LRRN2: variants seen among roughly 807,000 people sequenced by gnomAD.
The protein encoded by LRRN2 is leucine-rich repeat neuronal protein 2.
In LRRN2, 10 loss-of-function variants were observed where a neutral mutation model predicts 35.7. The observed-to-expected ratio is 0.28, with a 90% CI of 0.17 to 0.47. The LOEUF (loss-of-function observed/expected upper bound fraction) is 0.47. Ranked by LOEUF, LRRN2 falls within the 20% of genes least tolerant of loss-of-function variation. The pLI, the probability that LRRN2 is intolerant of heterozygous loss-of-function variation, is 0.99. For missense variants in LRRN2, 731 were observed against 940.3 expected (o/e 0.78, Z 2.91); for synonymous variants, 391 against 409.6 (o/e 0.95, Z 0.55).
At chr1:204,675,128 A>G (rs1194847068) in intron 1 of LRRN2, among the ~76,000 whole-genome samples, 2 of 152,116 alleles carry the variant, frequency 1.3e-5, no homozygotes, top group Non-Finnish European at 2.9e-5. Flanking sequence ...TGTCTGGAGA[A>G]TTAGCAGGTT....
At chr1:204,646,197 G>A (rs557091044) in intron 1 of LRRN2, among the ~76,000 whole-genome samples, 2 of 152,268 alleles carry the variant, frequency 1.3e-5, no homozygotes, top group Non-Finnish European at 2.9e-5. Flanking sequence ...GAGAAGGGGC[G>A]TGGACCAGGC....
chr1:204,633,993 C>T (rs552186037), intron 1 of LRRN2, among the ~76,000 whole-genome samples: 138 of 152,318 alleles, frequency 9.1e-4, no homozygotes, highest in African/African-American at 3.3e-3. Flanking sequence ...GCTCCCAGAG[C>T]CCCCAAGCCT....
intron 1 of LRRN2, among the ~76,000 whole-genome samples, chr1:204,668,162 G>A (rs1349053443): frequency 1.3e-5 from 2 of 152,206 alleles, no homozygotes; most frequent in Non-Finnish European, 2.9e-5. Flanking sequence ...AACTGCACAT[G>A]ACATTCCAGA....
At chr1:204,660,560 C>G (rs536703144) in intron 1 of LRRN2, among the ~76,000 whole-genome samples, 1 of 133,696 alleles carries the variant, frequency 7.5e-6, no homozygotes, top group Admixed American at 7.5e-5. Context: ...CAGACACACA[C>G]ACACACACAC....
chr1:204,617,692 C>T lies in LRRN2; in HGVS notation c.*159G>A. The T allele has an allele frequency of 2.5e-6, 2 of 814,632 alleles. No individual in the cohort carries two copies. The highest frequency in any genetic ancestry group is 2.0e-6 in the Non-Finnish European group (1 of 501,320). 50.5% of individuals were successfully genotyped at this position (814,632 alleles called of 1,614,324 possible). On this transcript the variant is annotated 3_prime_UTR_variant, in exon 2 of 2. Coordinates refer to ENST00000367177, the MANE Select transcript of LRRN2 (RefSeq NM_201630.2). ...CAACTTTTTCGAGGCTGCAGAAGCA[C>T]CCCCAGGGCCACAAAGCCCCATCTG...
chr1:204,677,462 C>T (rs1372879886), intron 1 of LRRN2, among the ~76,000 whole-genome samples: 1 of 152,192 alleles, frequency 6.6e-6, no homozygotes, highest in Non-Finnish European at 1.5e-5. Flanking sequence ...ACACTCACCC[C>T]TCATGGGGGT....
At chr1:204,649,776 C>T (rs968333987) in intron 1 of LRRN2, among the ~76,000 whole-genome samples, 2 of 152,126 alleles carry the variant, frequency 1.3e-5, no homozygotes, top group Non-Finnish European at 2.9e-5. Context: ...CAGACATGGA[C>T]GTGAGCCCTC....
chr1:204,645,832 T>G (rs1216221526), intron 1 of LRRN2, among the ~76,000 whole-genome samples: 1 of 152,022 alleles, frequency 6.6e-6, no homozygotes. Context: ...TCAGATCTCA[T>G]GAGATTTATT....
At chr1:204,684,994 G>A (rs1442409061) in intron 1 of LRRN2, among the ~76,000 whole-genome samples, 1 of 152,186 alleles carries the variant, frequency 6.6e-6, no homozygotes, top group Non-Finnish European at 1.5e-5. Flanking sequence ...GGAGGTTCTG[G>A]CCTCTCCAGG....
intron 1 of LRRN2, among the ~76,000 whole-genome samples, chr1:204,670,014 T>TG (rs1232398205): frequency 6.6e-6 from 1 of 152,060 alleles, no homozygotes; most frequent in African/African-American, 2.4e-5. Context: ...TCGTTTTTTT[T>TG]TTTGTTTGTT....
At position 204,641,081 on chromosome 1, in the gene LRRN2, G is replaced by A. The variant is rs921205266; in HGVS notation, c.-226-20863C>T. 4.6e-5 allele frequency among the ~76,000 whole-genome samples: 7 copies of A among 150,926 alleles called. No individual in the cohort carries two copies. In the South Asian group the frequency reaches 1.5e-3, roughly 32 times the overall value. ...GAAGAGAGGGTTCTCATGCCTGGAT[G>A]CCTGATAACAAAAACTATCAAAAAG... On this transcript the variant is annotated intron_variant, in intron 1 of 1. Coordinates refer to ENST00000367177, the MANE Select transcript of LRRN2 (RefSeq NM_201630.2).
At position 204,644,079 on chromosome 1, in the gene LRRN2, G is replaced by A. The variant is rs369199075; in HGVS notation, c.-226-23861C>T. On this transcript the variant is annotated intron_variant, in intron 1 of 1. Coordinates refer to ENST00000367177, the MANE Select transcript of LRRN2 (RefSeq NM_201630.2). ...ATGGGTTCCCTTTCCCAGCAGGCAT[G>A]GGCAGGGACATGCATGCCTCTACCC... 3.0e-3 allele frequency among the ~76,000 whole-genome samples: 457 copies of A among 152,276 alleles called. 1 individual carries two copies. The highest frequency in any genetic ancestry group is 6.8e-3 in the Middle Eastern group (2 of 294).
chr1:204,648,630 A>AC (rs1192450303), intron 1 of LRRN2, among the ~76,000 whole-genome samples: 1 of 151,928 alleles, frequency 6.6e-6, no homozygotes, highest in East Asian at 1.9e-4. Flanking sequence ...TCGCCCCCCC[A>AC]CCCAACCTAC....
intron 1 of LRRN2, among the ~76,000 whole-genome samples, chr1:204,657,488 C>T (rs182314410): frequency 7.0e-4 from 107 of 152,112 alleles, no homozygotes; most frequent in Admixed American, 4.9e-3. Flanking sequence ...ACAAAGGCTA[C>T]GAATTGTATG....
At chr1:204,631,012 C>T (rs535965029) in intron 1 of LRRN2, among the ~76,000 whole-genome samples, 24 of 151,638 alleles carry the variant, frequency 1.6e-4, no homozygotes, top group African/African-American at 4.1e-4. Flanking sequence ...CTGTAGTCCC[C>T]GGACCAGTAG....
chr1:204,623,320 T>C (rs576054344), intron 1 of LRRN2, among the ~76,000 whole-genome samples: 2 of 152,320 alleles, frequency 1.3e-5, no homozygotes, highest in African/African-American at 4.8e-5. Flanking sequence ...AAAACTTCAT[T>C]GAAACCCTCC....
intron 1 of LRRN2, among the ~76,000 whole-genome samples, chr1:204,675,040 G>A (rs1001549521): frequency 1.3e-5 from 2 of 152,212 alleles, no homozygotes; most frequent in South Asian, 2.1e-4. Context: ...GGAGTGGACC[G>A]TGGGTTGCAG....
At chr1:204,661,542 C>G (rs1341600170) in intron 1 of LRRN2, among the ~76,000 whole-genome samples, 1 of 152,206 alleles carries the variant, frequency 6.6e-6, no homozygotes, top group East Asian at 1.9e-4. Context: ...TCTAGTTGAT[C>G]TGAAGTGCTG....
Position 204,618,302 on chromosome 1 carries a change from A to C in LRRN2, c.1691T>G (p.Leu564Arg). ...TNLTWSSASS[L>R]RGQGATALAR... ...CAGAGCTGTGGCCCCCTGGCCCCGG[A>C]GGGAGGAGGCACTGGACCAGGTGAG... The change falls in exon 2 of 2, where the codon CTC (leucine) becomes CGC (arginine). Residue 564 changes from leucine to arginine, a missense_variant. Physicochemically the swap from Leu to Arg is moderately radical, Grantham distance 102 (BLOSUM62 -2). Transcript: ENST00000367177. 6.3e-7 allele frequency: 1 copy of C among 1,597,684 alleles called. No homozygotes were observed. Among genetic ancestry groups the C allele is most frequent in the Non-Finnish European group, 8.5e-7 (1 of 1,171,348 alleles).
Sources: allele counts gnomAD v4.1 joint callset (sites outside exome capture counted in the v4.1 genomes callset), GRCh38; gene constraint gnomAD v4.1.1; transcripts MANE v1.5; gene names NCBI Gene and HGNC (gene_info 2026-07-23, HGNC 2026-07-21).